Variants in RTN1 observed in about 807,000 individuals in gnomAD.
RTN1 encodes the protein reticulon-1.
RTN1 carries 25 observed loss-of-function variants against 65.5 expected under a neutral mutation model. The ratio of observed to expected loss-of-function variants is 0.38; its 90% CI spans 0.28 to 0.53. The LOEUF (loss-of-function observed/expected upper bound fraction) is 0.53. Among genes scored for constraint, RTN1 ranks in the 20% least tolerant of loss-of-function variants. The probability of loss-of-function intolerance (pLI) is 0.79; values close to 1 mark genes in which losing one functional copy is unlikely to be tolerated. For synonymous variants in RTN1, 471 were observed against 447.6 expected (o/e 1.05, Z -0.66); for missense variants, 983 against 1,025.4 (o/e 0.96, Z 0.57).
At chr14:59,729,381 C>A (rs1594705422) in intron 2 of RTN1, among the ~76,000 whole-genome samples, 1 of 55,830 alleles carries the variant, frequency 1.8e-5, no homozygotes, top group Non-Finnish European at 3.6e-5. Flanking sequence ...TCTATGGGTT[C>A]CCCCCCTTTT....
At position 59,870,318 on chromosome 14, in the gene RTN1, C is replaced by G; in HGVS notation, c.241+72G>C. The G allele has an allele frequency of 7.4e-7, 1 of 1,350,570 alleles. No homozygotes were observed. The highest frequency in any genetic ancestry group is 2.0e-5 in the South Asian group (1 of 50,974). 83.7% of individuals were successfully genotyped at this position (1,350,570 alleles called of 1,614,324 possible). ...AGCGCGAGGCAGGTGCCCAGGAGAG[C>G]CGCGCAGAAGGGGACTGACTGGGGG... is the stretch of plus-strand genomic sequence containing the variant. On this transcript the variant is annotated intron_variant, in intron 1 of 8. Coordinates refer to ENST00000267484, the MANE Select transcript of RTN1 (RefSeq NM_021136.3). This position sits in a 1 kb window ranked among gnomAD's most constrained non-coding sequence, Gnocchi z 5.1.
chr14:59,845,717 A>C (rs990454094), intron 1 of RTN1, among the ~76,000 whole-genome samples: 2 of 152,192 alleles, frequency 1.3e-5, no homozygotes, highest in African/African-American at 2.4e-5. Context: ...CTTGTCATGC[A>C]TAGAACTACT....
At chr14:59,682,121 A>G (rs1455909678) in intron 3 of RTN1, among the ~76,000 whole-genome samples, 1 of 152,146 alleles carries the variant, frequency 6.6e-6, no homozygotes, top group Non-Finnish European at 1.5e-5. Context: ...TGGCTTTGCC[A>G]CTGACATACT....
chr14:59,832,836 G>A (rs956217624), intron 1 of RTN1, among the ~76,000 whole-genome samples: 3 of 152,100 alleles, frequency 2.0e-5, no homozygotes, highest in African/African-American at 4.8e-5. Flanking sequence ...GACAGGTTCC[G>A]GAGATTTATG....
intron 3 of RTN1, among the ~76,000 whole-genome samples, chr14:59,623,451 G>C (rs1185836776): frequency 6.6e-6 from 1 of 152,204 alleles, no homozygotes; most frequent in Non-Finnish European, 1.5e-5. Flanking sequence ...GTAAAGCCAA[G>C]GCTCACTTGG....
intron 3 of RTN1, among the ~76,000 whole-genome samples, chr14:59,613,356 T>G (rs1345657022): frequency 1.3e-5 from 2 of 152,214 alleles, no homozygotes; most frequent in African/African-American, 4.8e-5. Context: ...TGGAGTGCAG[T>G]GGCGTGATCT....
chr14:59,662,823 T>C lies in RTN1; in HGVS notation c.1766-55331A>G, dbSNP rs1883280909. ...TCATGGATAGGAAGAATCAATATCA[T>C]GAATATGGCCATACTGCCCAAAGTA... On this transcript the variant is annotated intron_variant, in intron 3 of 8. Coordinates refer to ENST00000267484, the MANE Select transcript of RTN1 (RefSeq NM_021136.3). Among the ~76,000 whole-genome samples, 3 of 152,180 alleles carry C rather than the reference T, an allele frequency of 2.0e-5. No homozygotes were observed. The South Asian group carries it at 6.2e-4, about 32-fold the overall frequency.
intron 1 of RTN1, among the ~76,000 whole-genome samples, chr14:59,866,710 C>G (rs1887804784): frequency 6.6e-6 from 1 of 152,084 alleles, no homozygotes; most frequent in African/African-American, 2.4e-5. Context: ...ATAGTAATGG[C>G]ACAGTGTAAT....
At chr14:59,791,239 T>G (rs778928382) in intron 1 of RTN1, among the ~76,000 whole-genome samples, 1 of 152,180 alleles carries the variant, frequency 6.6e-6, no homozygotes, top group South Asian at 2.1e-4. Context: ...TGTTTTCTTT[T>G]CCTTGCTCAT....
At chr14:59,634,950 C>T (rs1279917485) in intron 3 of RTN1, among the ~76,000 whole-genome samples, 2 of 152,082 alleles carry the variant, frequency 1.3e-5, no homozygotes, top group Non-Finnish European at 2.9e-5. Flanking sequence ...GTAATACTGG[C>T]AGTAAATGAG....
rs1350386848 is a variant in RTN1, at chr14:59,868,942, G to T, written c.241+1448C>A. On this transcript the variant is annotated intron_variant, in intron 1 of 8. Transcript: ENST00000267484. The surrounding 1 kb of genome is among the most constrained non-coding windows in gnomAD (Gnocchi z 4.0). ...TTGTTTTCACTTGGATGCAGAAGTT[G>T]AAAGAGAGACTGAGCAGCCATTCTT... Among the ~76,000 whole-genome samples, 1 of 152,098 alleles carries T rather than the reference G, an allele frequency of 6.6e-6. No individual in the cohort carries two copies. Among genetic ancestry groups the T allele is most frequent in the Non-Finnish European group, 1.5e-5 (1 of 68,016 alleles).
chr14:59,726,887 C>G (rs753703535), intron 3 of RTN1, 32 bp downstream of exon 3: 3 of 1,579,828 alleles, frequency 1.9e-6, no homozygotes, highest in South Asian at 2.3e-5. Context: ...AGGGAGGACA[C>G]TAACCAAGCA....
In RTN1 at chr14:59,829,094, G is replaced by A. The variant is rs1474305441; in HGVS notation, c.241+41296C>T. Among the ~76,000 whole-genome samples the A allele has an allele frequency of 1.3e-5, 2 of 152,092 alleles. No individual in the cohort carries two copies. The highest frequency in any genetic ancestry group is 4.8e-5 in the African/African-American group (2 of 41,398). The stretch of plus-strand genomic sequence containing the variant: ...ACTTAACCCCTCTAAGTCTCCAGAT[G>A]AGCTGCTTACTTCCCATCATTTATA... On this transcript the variant is annotated intron_variant, in intron 1 of 8. Coordinates refer to ENST00000267484, the MANE Select transcript of RTN1 (RefSeq NM_021136.3). The surrounding 1 kb of genome is among the most constrained non-coding windows in gnomAD (Gnocchi z 4.3).
intron 3 of RTN1, among the ~76,000 whole-genome samples, chr14:59,640,220 G>T (rs1440824463): frequency 6.6e-6 from 1 of 152,142 alleles, no homozygotes; most frequent in East Asian, 1.9e-4. Context: ...TTCTTTAATA[G>T]ATGTTAGGAT....
intron 3 of RTN1, among the ~76,000 whole-genome samples, chr14:59,715,825 C>CAAAAA (rs76299030): frequency 1.1e-5 from 1 of 88,420 alleles, no homozygotes; most frequent in African/African-American, 3.1e-5. Context: ...GACTCCATCT[C>CAAAAA]AAAAAAAAAA....
chr14:59,731,357 G>C (rs149243067), intron 2 of RTN1, among the ~76,000 whole-genome samples: 1 of 152,122 alleles, frequency 6.6e-6, no homozygotes, highest in Admixed American at 6.5e-5. Flanking sequence ...TTTGGAGGGT[G>C]AGAAAAGGGG....
At chr14:59,760,063 C>T (rs148554278) in intron 1 of RTN1, among the ~76,000 whole-genome samples, 2 of 152,040 alleles carry the variant, frequency 1.3e-5, no homozygotes, top group East Asian at 1.9e-4. Flanking sequence ...AAAGGTCATA[C>T]GTTATAGCAT....
intron 3 of RTN1, 138 bp downstream of exon 3, chr14:59,726,781 C>A: frequency 1.3e-6 from 1 of 748,260 alleles, no homozygotes; most frequent in East Asian, 2.7e-5. Context: ...CCTCCCATCC[C>A]CCCTGGAACC....
In RTN1 at chr14:59,660,356, T is replaced by C. The variant is rs137870124; in HGVS notation, c.1766-52864A>G. On this transcript the variant is annotated intron_variant, in intron 3 of 8. Coordinates refer to ENST00000267484, the MANE Select transcript of RTN1 (RefSeq NM_021136.3). ...TGACACAGAAAATTAACAAGGATAT[T>C]CAGGACTTGAACTTAGTTCTGGACC... Among the ~76,000 whole-genome samples, 1,386 of 152,166 alleles carry C rather than the reference T, an allele frequency of 9.1e-3. 5 individuals carry two copies. The highest frequency in any genetic ancestry group is 0.013 in the Non-Finnish European group (881 of 67,982).
Sources: allele counts gnomAD v4.1 joint callset (sites outside exome capture counted in the v4.1 genomes callset), GRCh38; gene constraint gnomAD v4.1.1; non-coding constraint Gnocchi (gnomAD v3.1); transcripts MANE v1.5; gene names NCBI Gene and HGNC (gene_info 2026-07-23, HGNC 2026-07-21).